TMEM63B: variants seen among roughly 807,000 people sequenced by gnomAD.
TMEM63B encodes mechanosensitive cation channel TMEM63B.
A neutral mutation model predicts 102.6 loss-of-function variants in TMEM63B; 23 were observed. The observed-to-expected ratio is 0.22, with a 90% CI of 0.16 to 0.32. The LOEUF is 0.32. Ranked by LOEUF, TMEM63B falls within the 10% of genes least tolerant of loss-of-function variation. The probability of loss-of-function intolerance (pLI) is 1.00; values close to 1 mark genes in which losing one functional copy is unlikely to be tolerated. For missense variants in TMEM63B, 628 were observed against 1,095.9 expected, an observed-to-expected ratio of 0.57 and a Z score of 6.03; for synonymous variants, 444 against 437.0, an observed-to-expected ratio of 1.02 and a Z score of -0.20.
chr6:44,142,025 G>C (rs965797114), intron 10 of TMEM63B, among the ~76,000 whole-genome samples: 3 of 152,108 alleles, frequency 2.0e-5, no homozygotes, highest in Non-Finnish European at 4.4e-5. Context: ...GGGAGGCTGA[G>C]GTGGGAGGAT....
In TMEM63B at chr6:44,154,440, T is replaced by C; in HGVS notation, c.2302T>C (p.Ser768Pro). 6.2e-7 allele frequency: 1 copy of C among 1,613,950 alleles called. No homozygotes were observed. Among genetic ancestry groups the C allele is most frequent in the Middle Eastern group, 1.7e-4 (1 of 6,058 alleles). ...RPPTAAAVPKSAKYIAQVLQD... is the reference protein window; with the variant it reads ...RPPTAAAVPKPAKYIAQVLQD... ...CCCCACTGCTGCTGCTGTCCCCAAA[T>C]CTGCGGTGAGTGCCCTCAAGGGTTG... Residue 768 changes from serine to proline, a missense_variant, in exon 23 of 24, where the codon TCT (serine) becomes CCT (proline). Ser to Pro is a moderately conservative substitution (Grantham distance 74, BLOSUM62 -1). Around this residue, in one of 6 missense-constraint regions of TMEM63B, gnomAD observed 129 missense variants for 153.5 expected, o/e 0.84. Transcript: ENST00000323267.
In TMEM63B at chr6:44,140,363, G is replaced by A. The variant is rs199521209; in HGVS notation, c.711+3G>A. 7.5e-6 allele frequency: 12 copies of A among 1,608,984 alleles called. No individual in the cohort carries two copies. The East Asian group carries it at 1.8e-4, about 24-fold the overall frequency. Reference sequence around the variant, plus strand: ...TGCGCTACAAGGAGGATGATCTGGTGCGTGGAGCAGAGCCCAGGTCCTGCC... The same window carrying A: ...TGCGCTACAAGGAGGATGATCTGGTACGTGGAGCAGAGCCCAGGTCCTGCC... On this transcript the variant is annotated splice_donor_region_variant and intron_variant, in intron 9 of 23. Coordinates refer to ENST00000323267, the MANE Select transcript of TMEM63B (RefSeq NM_018426.3).
intron 21 of TMEM63B, 49 bp downstream of exon 21, chr6:44,153,892 C>A (rs752148232): frequency 6.3e-7 from 1 of 1,592,206 alleles, no homozygotes; most frequent in Non-Finnish European, 8.6e-7. Context: ...AGAGTGGATT[C>A]CAGCCAGAGC....
chr6:44,150,607 G>T lies in TMEM63B; in HGVS notation c.1651G>T (p.Ala551Ser), dbSNP rs367546125. 2.5e-6 allele frequency: 4 copies of T among 1,614,008 alleles called. No homozygotes were observed. In the African/African-American group the frequency reaches 5.3e-5, roughly 22 times the overall value. ...FRWLFDKKFL[A>S]EAAIRFECVF... ...CTGGCTCTTTGATAAGAAATTCTTG[G>T]CTGAGGCAGCTATTCGGTTTGAGTG... The change falls in exon 18 of 24, where the codon GCT becomes TCT. Residue 551 changes from alanine to serine, a missense_variant. This residue lies in a region of TMEM63B where 61 missense variants were observed against 176.0 expected (regional missense o/e 0.35). Coordinates refer to ENST00000323267, the MANE Select transcript of TMEM63B (RefSeq NM_018426.3). The surrounding 1 kb of genome is among the most constrained non-coding windows in gnomAD (Gnocchi z 4.7).
intron 8 of TMEM63B, 42 bp downstream of exon 8, chr6:44,139,801 A>C: frequency 6.2e-7 from 1 of 1,613,032 alleles, no homozygotes; most frequent in Non-Finnish European, 8.5e-7. Context: ...GTCTACGACC[A>C]GAGTCTGGGC....
intron 10 of TMEM63B, among the ~76,000 whole-genome samples, chr6:44,145,787 C>G (rs1038294532): frequency 2.0e-5 from 3 of 152,104 alleles, no homozygotes; most frequent in African/African-American, 7.2e-5. Context: ...TTGAAACAAA[C>G]AAACAAACAA....
chr6:44,155,142 C>G lies in TMEM63B; in HGVS notation c.*259C>G, dbSNP rs3087926. On this transcript the variant is annotated 3_prime_UTR_variant, in exon 24 of 24. Coordinates refer to ENST00000323267, the MANE Select transcript of TMEM63B (RefSeq NM_018426.3). ...GGAGTTCCCCCAGATCAGTACCCCCCACCCCTCCCCAGCTAGTAGCATGAC... is the reference window on the plus strand; with the variant it reads ...GGAGTTCCCCCAGATCAGTACCCCCGACCCCTCCCCAGCTAGTAGCATGAC... 1.3e-5 allele frequency: 4 copies of G among 302,100 alleles called. No homozygotes were observed. The Admixed American group carries it at 2.0e-4, about 15-fold the overall frequency. The allele number at this position is 302,100 out of a possible 1,614,324, so 18.7% of individuals were successfully genotyped here. A position where few individuals can be genotyped will look rare whatever the true frequency, so the allele number is the denominator to read the frequency against.
intron 1 of TMEM63B, among the ~76,000 whole-genome samples, chr6:44,129,013 C>G (rs1481753151): frequency 6.6e-6 from 1 of 152,216 alleles, no homozygotes; most frequent in South Asian, 2.1e-4. Flanking sequence ...TAGAGACCTG[C>G]GTTCAAATTC....
intron 18 of TMEM63B, 94 bp from the exon 19 acceptor site, chr6:44,151,752 G>A: frequency 4.1e-5 from 58 of 1,398,230 alleles, no homozygotes; most frequent in Non-Finnish European, 5.5e-5. Flanking sequence ...AAGCATGTTG[G>A]TGGTGGAGGT....
chr6:44,141,591 A>G (rs1390363220), intron 10 of TMEM63B, among the ~76,000 whole-genome samples: 1 of 152,112 alleles, frequency 6.6e-6, no homozygotes, highest in African/African-American at 2.4e-5. Context: ...ACTAGAGAAA[A>G]GGGAGGTGGT....
intron 5 of TMEM63B, 200 bp from the exon 6 acceptor site, chr6:44,138,280 T>G: frequency 1.6e-6 from 1 of 628,174 alleles, no homozygotes; most frequent in South Asian, 2.0e-5. Flanking sequence ...GTTGGTCTTT[T>G]TTCTTTGAGG....
intron 23 of TMEM63B, 56 bp from the exon 24 acceptor site, chr6:44,154,636 C>T (rs1582839018): frequency 2.0e-6 from 3 of 1,519,330 alleles, no homozygotes; most frequent in East Asian, 4.5e-5. Context: ...CCTGGTGTTC[C>T]CGCAATCCAT....
At chr6:44,140,788 C>G (rs956036528) in intron 9 of TMEM63B, among the ~76,000 whole-genome samples, 1 of 152,156 alleles carries the variant, frequency 6.6e-6, no homozygotes, top group South Asian at 2.1e-4. Context: ...GAGCATGGGA[C>G]GGCGTGGCTC....
chr6:44,153,129 C>G (rs987310047), intron 20 of TMEM63B, among the ~76,000 whole-genome samples: 2 of 152,254 alleles, frequency 1.3e-5, no homozygotes, highest in Admixed American at 1.3e-4. Flanking sequence ...TGGAGATAGT[C>G]TGCTGTATCT....
intron 1 of TMEM63B, among the ~76,000 whole-genome samples, chr6:44,129,659 G>C (rs962896332): frequency 1.3e-5 from 2 of 152,192 alleles, no homozygotes; most frequent in African/African-American, 4.8e-5. Flanking sequence ...GTCTAAATAA[G>C]AAGCCCAACC....
rs1008609556 is a variant in TMEM63B at position 44,152,416 on chromosome 6, G to A, written c.1837-177G>A. Among the ~76,000 whole-genome samples, 4 of 151,186 alleles carry A rather than the reference G, an allele frequency of 2.6e-5. No individual in the cohort carries two copies. Among genetic ancestry groups the A allele is most frequent in the South Asian group, 2.1e-4 (1 of 4,782 alleles). On this transcript the variant is annotated intron_variant, in intron 19 of 23. Transcript: ENST00000323267. This position sits in a 1 kb window ranked among gnomAD's most constrained non-coding sequence, Gnocchi z 6.4. Reference sequence around the variant, plus strand: ...CTGCAACCGCCCTGACCCTCCTCTCGGCCATAGCCCCTCTCTCCATCTGCT... The same window carrying A: ...CTGCAACCGCCCTGACCCTCCTCTCAGCCATAGCCCCTCTCTCCATCTGCT...
chr6:44,146,828 T>C lies in TMEM63B; in HGVS notation c.783-19T>C. The C allele has an allele frequency of 6.2e-7, 1 of 1,613,472 alleles. No individual in the cohort carries two copies. Among genetic ancestry groups the C allele is most frequent in the Admixed American group, 1.7e-5 (1 of 59,998 alleles). ...TGGGTGGGGTCCCTGCACAAGATGA[T>C]ACATGAACTGTGTTTCAGGGAAGCC... On this transcript the variant is annotated intron_variant, in intron 10 of 23. Transcript: ENST00000323267.
In TMEM63B at chr6:44,154,103, T is replaced by G. The variant is rs1252861263; in HGVS notation, c.2141T>G (p.Phe714Cys). The change falls in exon 22 of 24, where the codon TTT becomes TGT. Residue 714 changes from phenylalanine (F) to cysteine (C), a missense_variant. This residue lies in a region of TMEM63B where 129 missense variants were observed against 153.5 expected (regional missense o/e 0.84). Coordinates refer to ENST00000323267, the MANE Select transcript of TMEM63B (RefSeq NM_018426.3). ...GFLAPTSMFT[F>C]VVLVITIVIC... is the part of the protein sequence containing the mutation. ...CTAGCTCCCACGTCTATGTTCACAT[T>G]TGTGGTCCTGGTCATCACCATCGTC... 6.2e-7 allele frequency: 1 copy of G among 1,614,128 alleles called. No individual in the cohort carries two copies. The highest frequency in any genetic ancestry group is 1.6e-4 in the Middle Eastern group (1 of 6,062).
chr6:44,154,762 G>C lies in TMEM63B; in HGVS notation c.2378G>C (p.Gly793Ala). 6.2e-7 allele frequency: 1 copy of C among 1,606,252 alleles called. No individual in the cohort carries two copies. The highest frequency in any genetic ancestry group is 1.3e-5 in the African/African-American group (1 of 74,690). ...GDGDGAPGSSGDEPPSSSSQD... is the reference protein window; with the variant it reads ...GDGDGAPGSSADEPPSSSSQD... ...GGGGATGGGGCTCCTGGGAGCTCAG[G>C]GGATGAGCCCCCATCATCCTCATCC... Residue 793 changes from glycine to alanine, a missense_variant, in exon 24 of 24, where the codon GGG becomes GCG. Transcript: ENST00000323267.
Sources: allele counts gnomAD v4.1 joint callset (sites outside exome capture counted in the v4.1 genomes callset), GRCh38; gene constraint gnomAD v4.1.1; regional missense constraint gnomAD v4.1.1; non-coding constraint Gnocchi (gnomAD v3.1); transcripts MANE v1.5; gene names NCBI Gene and HGNC (gene_info 2026-07-23, HGNC 2026-07-21).